The following IQGAP2 variants were observed in gnomAD, a reference collection of about 807,000 sequenced individuals.
IQGAP2 encodes the protein IQ motif containing GTPase activating protein 2.
Under a neutral mutation model 201.3 loss-of-function variants are expected in IQGAP2, and 173 were observed. That is an observed-to-expected ratio of 0.86 (90% confidence interval 0.76 to 0.98). The LOEUF (loss-of-function observed/expected upper bound fraction) is 0.98, where lower values mean the gene tolerates loss of function less well. IQGAP2 is among the 50% of genes least tolerant of loss of function. The pLI, the probability that IQGAP2 is intolerant of heterozygous loss-of-function variation, is 0.00. For missense variants in IQGAP2, 1,687 were observed against 1,864.8 expected (o/e 0.90, Z 1.76); for synonymous variants, 675 against 673.9 (o/e 1.00, Z -0.03).
At chr5:76,585,463 A>G (rs1746180048) in intron 5 of IQGAP2, among the ~76,000 whole-genome samples, 1 of 152,070 alleles carries the variant, frequency 6.6e-6, no homozygotes, top group Non-Finnish European at 1.5e-5. Flanking sequence ...GAAGTGATAC[A>G]ATTATACATT....
At chr5:76,457,266 C>T (rs535025028) in intron 1 of IQGAP2, among the ~76,000 whole-genome samples, 217 of 152,112 alleles carry the variant, frequency 1.4e-3, no homozygotes, top group African/African-American at 4.9e-3. Flanking sequence ...TGGGAGCTAC[C>T]CCAGCCGGAC....
At chr5:76,409,713 T>C (rs1382743068) in intron 1 of IQGAP2, among the ~76,000 whole-genome samples, 3 of 152,240 alleles carry the variant, frequency 2.0e-5, no homozygotes, top group Non-Finnish European at 2.9e-5. Flanking sequence ...AAACATGCTT[T>C]ATTACATACA....
At chr5:76,672,274 C>T (rs17652917) in intron 24 of IQGAP2, among the ~76,000 whole-genome samples, 40,021 of 151,652 alleles carry the variant, frequency 0.26, 5,910 homozygotes, top group Non-Finnish European at 0.34. Flanking sequence ...ACTCTCTCTT[C>T]ACCTGATAAT....
intron 35 of IQGAP2, among the ~76,000 whole-genome samples, chr5:76,703,201 GCT>G (rs1413573761): frequency 2.0e-5 from 3 of 152,156 alleles, no homozygotes; most frequent in Admixed American, 2.0e-4. Flanking sequence ...TGTCGCCCAG[GCT>G]GGAATACAGT....
intron 1 of IQGAP2, among the ~76,000 whole-genome samples, chr5:76,407,901 C>T (rs1004400976): frequency 6.6e-6 from 1 of 152,110 alleles, no homozygotes; most frequent in African/African-American, 2.4e-5. Context: ...GAAGCCAAGG[C>T]GGGTGGATCA....
intron 6 of IQGAP2, among the ~76,000 whole-genome samples, chr5:76,589,233 A>G (rs950351473): frequency 1.3e-5 from 2 of 151,082 alleles, no homozygotes; most frequent in African/African-American, 4.9e-5. Flanking sequence ...AATGGCGTGA[A>G]CCTGGGAGGC....
At chr5:76,488,974 T>C (rs1212191724) in intron 2 of IQGAP2, among the ~76,000 whole-genome samples, 1 of 152,172 alleles carries the variant, frequency 6.6e-6, no homozygotes, top group Admixed American at 6.5e-5. Flanking sequence ...TGTTCCTCCC[T>C]TCAGGTAGGA....
intron 15 of IQGAP2, 60 bp from the exon 16 acceptor site, chr5:76,636,974 T>A: frequency 1.5e-6 from 2 of 1,320,788 alleles, no homozygotes; most frequent in Non-Finnish European, 2.1e-6. Flanking sequence ...TTAAAGAAAC[T>A]ACACTAATGT....
Position 76,403,659 on chromosome 5 carries a change from A to AGAAGCCGAG in IQGAP2, c.46+70_46+78dup. On this transcript the variant is annotated intron_variant, in intron 1 of 35. Coordinates refer to ENST00000274364, the MANE Select transcript of IQGAP2 (RefSeq NM_006633.5). This position sits in a 1 kb window ranked among gnomAD's most constrained non-coding sequence, Gnocchi z 4.8. Reference sequence around the variant, plus strand: ...GCTCCCTCCCCGAGGACGGCGTTGGAGAAGCCGAGGGAGCCGGTTGCGCGG... The same window carrying AGAAGCCGAG: ...GCTCCCTCCCCGAGGACGGCGTTGGAGAAGCCGAGGAAGCCGAGGGAGCCGGTTGCGCGG... 1 of 1,328,964 alleles carries AGAAGCCGAG rather than the reference A, an allele frequency of 7.5e-7. No homozygotes were observed. Among genetic ancestry groups the AGAAGCCGAG allele is most frequent in the Non-Finnish European group, 9.9e-7 (1 of 1,006,094 alleles). The allele number at this position is 1,328,964 out of a possible 1,614,324, so 82.3% of individuals were successfully genotyped here.
chr5:76,675,405 C>T (rs1430282190), intron 27 of IQGAP2, among the ~76,000 whole-genome samples: 1 of 152,084 alleles, frequency 6.6e-6, no homozygotes, highest in Non-Finnish European at 1.5e-5. Context: ...TTAGGAAAAC[C>T]CAGATTTTAT....
At chr5:76,588,660 TCTGTAGAAGTG>T (rs1001877016) in intron 5 of IQGAP2, among the ~76,000 whole-genome samples, 24 of 152,214 alleles carry the variant, frequency 1.6e-4, no homozygotes, top group African/African-American at 5.5e-4. Context: ...GTTAGCTGGC[TCTGTAGAAGTG>T]CTGTAGAAGT....
chr5:76,584,781 A>G (rs966169089), intron 5 of IQGAP2, among the ~76,000 whole-genome samples: 5 of 152,266 alleles, frequency 3.3e-5, no homozygotes, highest in African/African-American at 1.2e-4. Context: ...TGAATGACCA[A>G]CAAACAGCAA....
In IQGAP2 at chr5:76,420,655, G is replaced by A. The variant is rs575653388; in HGVS notation, c.46+17064G>A. 3.3e-5 allele frequency among the ~76,000 whole-genome samples: 5 copies of A among 152,256 alleles called. No homozygotes were observed. In the South Asian group the frequency reaches 6.2e-4, roughly 19 times the overall value. ...CTCCCAAAGGGCTGGGATTACAGGC[G>A]TGAGCCACCGTGCCCAGCCTCTGGA... On this transcript the variant is annotated intron_variant, in intron 1 of 35. Transcript: ENST00000274364.
At chr5:76,455,453 C>CAAAA (rs59978990) in intron 1 of IQGAP2, among the ~76,000 whole-genome samples, 1 of 81,228 alleles carries the variant, frequency 1.2e-5, no homozygotes, top group Non-Finnish European at 2.4e-5. Context: ...GACTCTGTCT[C>CAAAA]AAAAAAAAAA....
At chr5:76,582,791 C>G (rs1392456372) in intron 5 of IQGAP2, among the ~76,000 whole-genome samples, 1 of 151,920 alleles carries the variant, frequency 6.6e-6, no homozygotes, top group Non-Finnish European at 1.5e-5. Context: ...ACAACTACTA[C>G]TACTACTACT....
chr5:76,576,972 T>G (rs1028960669), intron 5 of IQGAP2, among the ~76,000 whole-genome samples: 4 of 152,226 alleles, frequency 2.6e-5, no homozygotes, highest in Non-Finnish European at 4.4e-5. Context: ...ATTTTCAACT[T>G]GTGTTGCCTG....
chr5:76,427,919 C>T (rs1752105680), intron 1 of IQGAP2, among the ~76,000 whole-genome samples: 1 of 152,198 alleles, frequency 6.6e-6, no homozygotes, highest in Non-Finnish European at 1.5e-5. Flanking sequence ...GGAGGTGAGT[C>T]CCTGAGCCCG....
chr5:76,627,554 T>A, intron 14 of IQGAP2, 54 bp downstream of exon 14: 1 of 926,738 alleles, frequency 1.1e-6, no homozygotes. Flanking sequence ...TTTGGTTATG[T>A]GCCTGAAGTC....
intron 12 of IQGAP2, among the ~76,000 whole-genome samples, chr5:76,610,102 ATATATATATATATTTTT>A (rs1748202631): frequency 4.7e-5 from 1 of 21,178 alleles, no homozygotes; most frequent in African/African-American, 1.7e-4. Context: ...ATATATATAT[ATATATATATATATTTTT>A]TTTTTTTTTT....
Sources: allele counts gnomAD v4.1 joint callset (sites outside exome capture counted in the v4.1 genomes callset), GRCh38; gene constraint gnomAD v4.1.1; non-coding constraint Gnocchi (gnomAD v3.1); transcripts MANE v1.5; gene names NCBI Gene and HGNC (gene_info 2026-07-23, HGNC 2026-07-21).